The following ZNF138 variants were observed in gnomAD, a reference collection of about 807,000 sequenced individuals.
The protein encoded by ZNF138 is zinc finger protein 138 (clone pHZ-32).
ZNF138 carries 33 observed loss-of-function variants against 33.0 expected under a neutral mutation model. That is an observed-to-expected ratio of 1.00 (90% CI 0.76 to 1.34). The LOEUF (loss-of-function observed/expected upper bound fraction) is 1.34. Among genes scored for constraint, ZNF138 ranks in the 40% most tolerant of loss-of-function variants. The pLI is 0.00. For missense variants in ZNF138, 360 were observed against 370.8 expected, an observed-to-expected ratio of 0.97 and a Z score of 0.24; for synonymous variants, 139 against 120.4, an observed-to-expected ratio of 1.15 and a Z score of -1.01.
Position 64,832,797 on chromosome 7 carries a change from A to C in ZNF138, c.*595A>C, listed in dbSNP as rs1185561829. On this transcript the variant is annotated 3_prime_UTR_variant, in exon 4 of 4. Transcript: ENST00000307355. Reference sequence around the variant, plus strand: ...AGGTTTTAGCCAACTCTCAAACCTTACTAAACACAAGAAGATTCATACTAG... The same window carrying C: ...AGGTTTTAGCCAACTCTCAAACCTTCCTAAACACAAGAAGATTCATACTAG... 1 of 448,746 alleles carries C rather than the reference A, an allele frequency of 2.2e-6. No individual in the cohort carries two copies. Among genetic ancestry groups the C allele is most frequent in the Admixed American group, 2.7e-5 (1 of 37,700 alleles). The allele number at this position is 448,746 out of a possible 1,614,324, so 27.8% of individuals were successfully genotyped here.
intron 3 of ZNF138, among the ~76,000 whole-genome samples, chr7:64,824,354 C>T (rs758615509): frequency 2.6e-5 from 4 of 152,218 alleles, no homozygotes; most frequent in Non-Finnish European, 5.9e-5. Flanking sequence ...CTGAGGCTCT[C>T]ACCAGAAGCA....
chr7:64,852,569 C>T, the ZNF138 span: 4,265 of 1,560,386 alleles, frequency 2.7e-3, 81 homozygotes, highest in African/African-American at 0.046. Context: ...TGCACAGAAC[C>T]GAGCTGTTTG....
At chr7:64,798,139 C>T (rs906117120) in intron 1 of ZNF138, among the ~76,000 whole-genome samples, 2 of 152,134 alleles carry the variant, frequency 1.3e-5, no homozygotes, top group African/African-American at 4.8e-5. Flanking sequence ...TGGGGTTTTG[C>T]CATATTGGCC....
At chr7:64,813,594 C>G (rs62456824) in intron 1 of ZNF138, among the ~76,000 whole-genome samples, 42 of 152,122 alleles carry the variant, frequency 2.8e-4, no homozygotes, top group African/African-American at 9.9e-4. Context: ...CCACCACGCC[C>G]GGCTAATTTT....
chr7:64,853,114 C>G, the ZNF138 span: 5 of 1,433,974 alleles, frequency 3.5e-6, no homozygotes, highest in South Asian at 1.1e-5. Context: ...TAGTTTGAAC[C>G]AAGGAAAGCC....
chr7:64,831,626 C>T lies in ZNF138; in HGVS notation c.384C>T (p.Asn128=). Residue 128 remains asparagine, a synonymous_variant, in exon 4 of 4, where the codon AAC becomes AAT. Coordinates refer to ENST00000307355, the MANE Select transcript of ZNF138 (RefSeq NM_001271639.2). ...KGHQGGFNGL[N]QCLKITTSKI... is the part of the protein sequence containing the mutation. ...ACCAAGGAGGTTTTAATGGACTTAA[C>T]CAATGTTTGAAAATTACCACAAGCA... is the stretch of plus-strand genomic sequence containing the variant. The T allele has an allele frequency of 6.2e-7, 1 of 1,609,576 alleles. No homozygotes were observed. The highest frequency in any genetic ancestry group is 8.5e-7 in the Non-Finnish European group (1 of 1,178,448).
Position 64,831,408 on chromosome 7 carries a change from A to T in ZNF138, c.209-43A>T, listed in dbSNP as rs1448144408. On this transcript the variant is annotated intron_variant, in intron 3 of 3. Coordinates refer to ENST00000307355, the MANE Select transcript of ZNF138 (RefSeq NM_001271639.2). ...TAGATTTGTAAAGTATATTCATCTG[A>T]GTCTAGCAGGTGGAGTAATTTGTTA... 6.2e-6 allele frequency: 9 copies of T among 1,458,136 alleles called. No individual in the cohort carries two copies. In the South Asian group the frequency reaches 7.2e-5, roughly 12 times the overall value. 90.3% of individuals were successfully genotyped at this position (1,458,136 alleles called of 1,614,324 possible).
the ZNF138 span, chr7:64,853,294 T>G: frequency 6.2e-7 from 1 of 1,612,004 alleles, no homozygotes; most frequent in Non-Finnish European, 8.5e-7. Flanking sequence ...GTGAATCTGG[T>G]TAGCCGGAAG....
the ZNF138 span, among the ~76,000 whole-genome samples, chr7:64,859,369 G>A: frequency 1.1e-4 from 17 of 152,274 alleles, no homozygotes; most frequent in African/African-American, 4.1e-4. Flanking sequence ...GGTACATTAA[G>A]GACATTATTT....
rs565116256 is a variant in ZNF138, at chr7:64,831,356, T to C, written c.209-95T>C. On this transcript the variant is annotated intron_variant, in intron 3 of 3. Coordinates refer to ENST00000307355, the MANE Select transcript of ZNF138 (RefSeq NM_001271639.2). ...GTGGTATTTTGCTATGCCATCTTGC[T>C]TATGTAGTTTGTATGATTTTATAGG... 66 of 1,176,490 alleles carry C rather than the reference T, an allele frequency of 5.6e-5. 1 individual carries two copies. In the South Asian group the frequency reaches 9.7e-4, roughly 17 times the overall value. 72.9% of individuals were successfully genotyped at this position (1,176,490 alleles called of 1,614,324 possible).
At chr7:64,853,407 G>T in the ZNF138 span, 3 of 961,232 alleles carry the variant, frequency 3.1e-6, no homozygotes, top group South Asian at 1.7e-5. Flanking sequence ...CCCTCTGCGA[G>T]TTGGCTGGGT....
intron 1 of ZNF138, among the ~76,000 whole-genome samples, chr7:64,800,861 G>A (rs1032942817): frequency 3.9e-5 from 6 of 152,046 alleles, no homozygotes; most frequent in African/African-American, 1.2e-4. Flanking sequence ...CAGTTCTGTA[G>A]TTTGTTATTG....
intron 1 of ZNF138, among the ~76,000 whole-genome samples, chr7:64,814,487 C>G (rs1308881136): frequency 6.6e-6 from 1 of 152,192 alleles, no homozygotes; most frequent in East Asian, 1.9e-4. Flanking sequence ...ATTTTATGGG[C>G]TGGTCCTGGT....
chr7:64,839,921 G>C, the ZNF138 span, among the ~76,000 whole-genome samples: 1 of 152,152 alleles, frequency 6.6e-6, no homozygotes, highest in African/African-American at 2.4e-5. Context: ...GTCCGCAGCG[G>C]GAGGGCCAGG....
At chr7:64,797,180 C>T (rs1252689777) in intron 1 of ZNF138, among the ~76,000 whole-genome samples, 3 of 151,672 alleles carry the variant, frequency 2.0e-5, no homozygotes, top group East Asian at 3.9e-4. Flanking sequence ...TACCTCTCTT[C>T]TGTATCCAGT....
the ZNF138 span, among the ~76,000 whole-genome samples, chr7:64,848,743 C>T: frequency 3.3e-5 from 4 of 120,468 alleles, no homozygotes; most frequent in Non-Finnish European, 6.4e-5. Flanking sequence ...CTCGCTCTGT[C>T]GCCCAGGCTG....
downstream of ZNF138, chr7:64,836,605 C>T (rs967840845): frequency 6.6e-6 from 1 of 152,168 alleles, no homozygotes; most frequent in African/African-American, 2.4e-5. Flanking sequence ...GCCGTCCCAT[C>T]CTCCAGTGGA....
intron 1 of ZNF138, among the ~76,000 whole-genome samples, chr7:64,808,604 T>A (rs1286671162): frequency 6.6e-6 from 1 of 151,932 alleles, no homozygotes; most frequent in East Asian, 1.9e-4. Context: ...TAAATTTATT[T>A]ATTTTTTATT....
the ZNF138 span, chr7:64,853,242 A>T: frequency 2.5e-6 from 4 of 1,608,016 alleles, no homozygotes; most frequent in Non-Finnish European, 2.6e-6. Context: ...CAATTTTTGC[A>T]GGACATCTTG....
Sources: gnomAD v4.1 joint callset for allele counts (sites outside exome capture counted in the v4.1 genomes callset) on GRCh38, gnomAD v4.1.1 for gene constraint, MANE v1.5 for transcripts, NCBI Gene and HGNC (gene_info 2026-07-23, HGNC 2026-07-21) for gene names.